Variants in SORCS1 observed in about 807,000 individuals in gnomAD.
The protein encoded by SORCS1 is VPS10 domain-containing receptor SorCS1.
SORCS1 carries 60 observed loss-of-function variants against 146.1 expected under a neutral mutation model. That is an observed-to-expected ratio of 0.41 (90% CI 0.33 to 0.51). The LOEUF is 0.51. Among genes scored for constraint, SORCS1 ranks in the 20% least tolerant of loss-of-function variants. The pLI is 0.21. For synonymous variants in SORCS1, 637 were observed against 584.0 expected, an observed-to-expected ratio of 1.09 and a Z score of -1.31; for missense variants, 1,352 against 1,487.6, an observed-to-expected ratio of 0.91 and a Z score of 1.50.
chr10:106,749,210 C>T (rs575554644), intron 5 of SORCS1, among the ~76,000 whole-genome samples: 8 of 152,266 alleles, frequency 5.3e-5, no homozygotes, highest in South Asian at 2.1e-4. Flanking sequence ...AGGAAAGGGG[C>T]GCAGTCAATT....
intron 5 of SORCS1, among the ~76,000 whole-genome samples, chr10:106,736,024 C>T (rs1004445618): frequency 2.6e-5 from 4 of 152,136 alleles, no homozygotes; most frequent in Middle Eastern, 3.2e-3. Flanking sequence ...CTAAAGATCA[C>T]TAAAGACAAG....
chr10:106,731,304 A>G (rs935672102), intron 5 of SORCS1, among the ~76,000 whole-genome samples: 2 of 150,224 alleles, frequency 1.3e-5, no homozygotes, highest in Non-Finnish European at 3.0e-5. Flanking sequence ...AAAAAAAAAA[A>G]AAAAAAAAAA....
At chr10:107,164,783 C>CGCGGGCGCTG (rs1313670926), upstream of SORCS1, among the ~76,000 whole-genome samples, 1 of 148,534 alleles carries the variant, frequency 6.7e-6, no homozygotes, top group African/African-American at 2.4e-5. The surrounding 1 kb of genome is among the most constrained non-coding windows in gnomAD (Gnocchi z 6.8). Flanking sequence ...GCGGAGCGGG[C>CGCGGGCGCTG]GCGGGCGCTG....
chr10:106,713,780 A>G (rs1855164894), intron 6 of SORCS1, among the ~76,000 whole-genome samples: 2 of 152,324 alleles, frequency 1.3e-5, no homozygotes, highest in South Asian at 4.1e-4. Context: ...GTGTTGCATG[A>G]AAAATCCCAG....
At chr10:106,758,017 T>C (rs552074078) in intron 5 of SORCS1, among the ~76,000 whole-genome samples, 65 of 152,350 alleles carry the variant, frequency 4.3e-4, no homozygotes, top group Admixed American at 2.4e-3. Flanking sequence ...AAGACGTGAA[T>C]GGGCAAGATA....
chr10:106,853,632 C>A (rs1049777043), intron 2 of SORCS1, among the ~76,000 whole-genome samples: 3 of 152,002 alleles, frequency 2.0e-5, no homozygotes, highest in African/African-American at 7.2e-5. Context: ...GCTTTTACTG[C>A]ATCCTACAAA....
intron 5 of SORCS1, among the ~76,000 whole-genome samples, chr10:106,736,179 T>C (rs1856931145): frequency 6.6e-6 from 1 of 152,336 alleles, no homozygotes; most frequent in African/African-American, 2.4e-5. Context: ...TAGTTTATCA[T>C]TCGCCTGGCA....
intron 19 of SORCS1, among the ~76,000 whole-genome samples, chr10:106,623,777 T>C (rs1468861719): frequency 2.6e-5 from 4 of 152,268 alleles, no homozygotes; most frequent in African/African-American, 7.2e-5. Flanking sequence ...GCAGTTCTCC[T>C]GCCCCAGCAT....
chr10:106,832,622 T>G (rs1948601758), intron 2 of SORCS1, among the ~76,000 whole-genome samples: 1 of 152,162 alleles, frequency 6.6e-6, no homozygotes, highest in African/African-American at 2.4e-5. Context: ...GTTTTTTCTA[T>G]TCATTATTCT....
At chr10:106,971,426 T>A (rs1273676968) in intron 1 of SORCS1, among the ~76,000 whole-genome samples, 1 of 152,238 alleles carries the variant, frequency 6.6e-6, no homozygotes, top group Non-Finnish European at 1.5e-5. Flanking sequence ...TTCAGTTACA[T>A]GAGCAATTAT....
At chr10:106,891,474 A>G (rs1013053063) in intron 2 of SORCS1, among the ~76,000 whole-genome samples, 3 of 146,560 alleles carry the variant, frequency 2.0e-5, no homozygotes, top group Admixed American at 6.9e-5. Flanking sequence ...TGTCAAGACA[A>G]CAAAGTAATC....
chr10:106,759,547 T>C (rs1162762191), intron 5 of SORCS1, among the ~76,000 whole-genome samples: 1 of 152,216 alleles, frequency 6.6e-6, no homozygotes, highest in East Asian at 1.9e-4. Flanking sequence ...TAGAATGTTC[T>C]GTGATTTGTT....
At chr10:107,100,382 C>T (rs906714070) in intron 1 of SORCS1, among the ~76,000 whole-genome samples, 2 of 151,846 alleles carry the variant, frequency 1.3e-5, no homozygotes, top group Non-Finnish European at 2.9e-5. Context: ...GGCGTGGTGG[C>T]GGGCGCCTGT....
intron 2 of SORCS1, among the ~76,000 whole-genome samples, chr10:106,924,470 T>G (rs756705697): frequency 1.0e-3 from 81 of 78,188 alleles, no homozygotes; most frequent in Admixed American, 1.3e-3. Flanking sequence ...GTTATCGATC[T>G]ATCTATCTAT....
intron 2 of SORCS1, among the ~76,000 whole-genome samples, chr10:106,915,974 G>A: frequency 6.6e-6 from 1 of 152,128 alleles, no homozygotes; most frequent in East Asian, 1.9e-4. Flanking sequence ...GCAATGAAAG[G>A]TATCCTAAAA....
At chr10:106,708,985 T>C (rs895677225) in intron 7 of SORCS1, among the ~76,000 whole-genome samples, 15 of 152,180 alleles carry the variant, frequency 9.9e-5, no homozygotes, top group African/African-American at 3.4e-4. Context: ...CCCATGTTGA[T>C]AAGATCCTCT....
intron 6 of SORCS1, among the ~76,000 whole-genome samples, chr10:106,724,224 T>C (rs925425531): frequency 4.9e-4 from 75 of 152,282 alleles, no homozygotes; most frequent in African/African-American, 1.7e-3. Context: ...AATAAAGATA[T>C]AAGGCCGGGC....
chr10:107,048,240 C>T (rs1564970747), intron 1 of SORCS1, among the ~76,000 whole-genome samples: 1 of 152,152 alleles, frequency 6.6e-6, no homozygotes. Context: ...GATTATCAGA[C>T]TGAAAGTAAG....
At chr10:107,032,493 C>T (rs1434197903) in intron 1 of SORCS1, among the ~76,000 whole-genome samples, 1 of 152,138 alleles carries the variant, frequency 6.6e-6, no homozygotes, top group Non-Finnish European at 1.5e-5. Context: ...TTTCTGTTTT[C>T]TGTTAGTTAC....
Sources: allele counts gnomAD v4.1 joint callset (sites outside exome capture counted in the v4.1 genomes callset), GRCh38; gene constraint gnomAD v4.1.1; non-coding constraint Gnocchi (gnomAD v3.1); transcripts MANE v1.5; gene names NCBI Gene and HGNC (gene_info 2026-07-23, HGNC 2026-07-21).